The following ZNF704 variants were observed in gnomAD, a reference collection of about 807,000 sequenced individuals.
ZNF704 encodes the protein zinc finger protein 704, also known as glucocorticoid induced gene 1.
A neutral mutation model predicts 44.7 loss-of-function variants in ZNF704; 10 were observed. The observed-to-expected ratio is 0.22, with a 90% CI of 0.14 to 0.38. The LOEUF (loss-of-function observed/expected upper bound fraction) is 0.38, where lower values mean the gene tolerates loss of function less well. Among genes scored for constraint, ZNF704 ranks in the 10% least tolerant of loss-of-function variants. The probability of loss-of-function intolerance (pLI) is 1.00; values close to 1 mark genes in which losing one functional copy is unlikely to be tolerated. For synonymous variants in ZNF704, 211 were observed against 207.6 expected (o/e 1.02, Z -0.14); for missense variants, 390 against 545.5 (o/e 0.71, Z 2.84).
intron 6 of ZNF704, among the ~76,000 whole-genome samples, chr8:80,663,817 C>T (rs1008200776): frequency 1.3e-5 from 2 of 151,954 alleles, no homozygotes; most frequent in African/African-American, 4.8e-5. Context: ...GCCTCAAACT[C>T]CCTGGGCTCA....
chr8:80,782,269 G>A (rs1420851190), intron 2 of ZNF704, among the ~76,000 whole-genome samples: 1 of 152,152 alleles, frequency 6.6e-6, no homozygotes, highest in Non-Finnish European at 1.5e-5. Context: ...CTCTGGGCTC[G>A]AAATAACAAG....
At chr8:80,645,303 C>A (rs982976577) in intron 7 of ZNF704, 59 of 849,278 alleles carry the variant, frequency 6.9e-5, no homozygotes, top group Non-Finnish European at 9.9e-5. Flanking sequence ...TAGGAGCCAA[C>A]GTGGTCACAG....
intron 2 of ZNF704, among the ~76,000 whole-genome samples, chr8:80,760,399 T>G (rs1807107661): frequency 6.6e-6 from 1 of 152,120 alleles, no homozygotes; most frequent in African/African-American, 2.4e-5. Flanking sequence ...GGCTCACACC[T>G]GTAATCCCAA....
chr8:80,690,490 G>A (rs1224194069), intron 3 of ZNF704, among the ~76,000 whole-genome samples: 2 of 152,082 alleles, frequency 1.3e-5, no homozygotes, highest in East Asian at 1.9e-4. Flanking sequence ...GAAGTGCAGT[G>A]GCACCATAAG....
At chr8:80,656,241 C>T (rs1818015645) in intron 7 of ZNF704, among the ~76,000 whole-genome samples, 1 of 152,170 alleles carries the variant, frequency 6.6e-6, no homozygotes, top group African/African-American at 2.4e-5. Flanking sequence ...AGGCAGCCAT[C>T]TACAAGCAGG....
intron 1 of ZNF704, among the ~76,000 whole-genome samples, chr8:80,825,519 A>G (rs1323539792): frequency 2.0e-5 from 3 of 152,218 alleles, no homozygotes. Context: ...CAGATCAACA[A>G]GACAGAAAGT....
chr8:80,714,193 G>A (rs1412646413), intron 2 of ZNF704, among the ~76,000 whole-genome samples: 1 of 152,090 alleles, frequency 6.6e-6, no homozygotes, highest in East Asian at 1.9e-4. Flanking sequence ...TGTACCAGAG[G>A]AAAAACCTTT....
intron 1 of ZNF704, among the ~76,000 whole-genome samples, chr8:80,838,363 T>C (rs1426846731): frequency 6.6e-6 from 1 of 152,108 alleles, no homozygotes; most frequent in Non-Finnish European, 1.5e-5. Context: ...TCAAAAAATA[T>C]ATATTACACA....
intron 2 of ZNF704, among the ~76,000 whole-genome samples, chr8:80,730,503 C>T (rs1806561430): frequency 7.7e-6 from 1 of 130,598 alleles, no homozygotes. Context: ...CGTGCCATTG[C>T]ACTCCAGCCT....
At chr8:80,835,499 C>T (rs1808543301) in intron 1 of ZNF704, among the ~76,000 whole-genome samples, 1 of 152,168 alleles carries the variant, frequency 6.6e-6, no homozygotes, top group African/African-American at 2.4e-5. Context: ...AGGTAATCCA[C>T]ATGCTGCAAG....
chr8:80,716,210 G>A (rs1819070084), intron 2 of ZNF704, among the ~76,000 whole-genome samples: 1 of 152,130 alleles, frequency 6.6e-6, no homozygotes, highest in Non-Finnish European at 1.5e-5. Flanking sequence ...CTTCATCATA[G>A]ACACCACGTA....
intron 2 of ZNF704, among the ~76,000 whole-genome samples, chr8:80,775,457 A>T (rs139752355): frequency 6.6e-6 from 1 of 152,348 alleles, no homozygotes; most frequent in African/African-American, 2.4e-5. Context: ...AAGCCATGCA[A>T]AGTGCCTAAA....
intron 3 of ZNF704, among the ~76,000 whole-genome samples, chr8:80,692,365 G>A (rs1222679097): frequency 6.6e-6 from 1 of 152,154 alleles, no homozygotes; most frequent in African/African-American, 2.4e-5. Flanking sequence ...GGGAATTACA[G>A]GCGATAAGGC....
At chr8:80,758,078 T>G (rs1030448792) in intron 2 of ZNF704, among the ~76,000 whole-genome samples, 3 of 152,238 alleles carry the variant, frequency 2.0e-5, no homozygotes, top group African/African-American at 7.2e-5. Flanking sequence ...TGTTGTATTA[T>G]AGCTGTGCCT....
chr8:80,761,890 C>T (rs977419875), intron 2 of ZNF704, among the ~76,000 whole-genome samples: 5 of 152,182 alleles, frequency 3.3e-5, no homozygotes, highest in Admixed American at 2.6e-4. Flanking sequence ...GATAGATAAC[C>T]TAAGTCTTTT....
At chr8:80,836,811 C>T (rs1808590726) in intron 1 of ZNF704, among the ~76,000 whole-genome samples, 1 of 152,092 alleles carries the variant, frequency 6.6e-6, no homozygotes, top group African/African-American at 2.4e-5. Flanking sequence ...CTAAACTAAA[C>T]AGAATTATCT....
At chr8:80,681,600 G>T (rs901714758) in intron 4 of ZNF704, among the ~76,000 whole-genome samples, 5 of 151,976 alleles carry the variant, frequency 3.3e-5, no homozygotes, top group Non-Finnish European at 7.4e-5. Flanking sequence ...CTTAAAATGG[G>T]TTCATTTTAT....
At chr8:80,726,718 C>T (rs181110372) in intron 2 of ZNF704, among the ~76,000 whole-genome samples, 65 of 151,978 alleles carry the variant, frequency 4.3e-4, no homozygotes, top group Admixed American at 3.1e-3. Flanking sequence ...TAAAAATTTC[C>T]GTAACAACAG....
chr8:80,861,852 A>G (rs1245341473), intron 1 of ZNF704, among the ~76,000 whole-genome samples: 1 of 151,988 alleles, frequency 6.6e-6, no homozygotes, highest in Non-Finnish European at 1.5e-5. Context: ...CATGTTTAAG[A>G]CAGAGCTTTT....
Sources: allele counts gnomAD v4.1 joint callset (sites outside exome capture counted in the v4.1 genomes callset), GRCh38; gene constraint gnomAD v4.1.1; transcripts MANE v1.5; gene names NCBI Gene and HGNC (gene_info 2026-07-23, HGNC 2026-07-21).